The following ZBTB48 variants were observed in gnomAD, a reference collection of about 807,000 sequenced individuals.
ZBTB48 encodes zinc finger and BTB domain-containing protein 48.
A neutral mutation model predicts 64.5 loss-of-function variants in ZBTB48; 35 were observed. That is an observed-to-expected ratio of 0.54 (90% CI 0.41 to 0.72). The LOEUF (loss-of-function observed/expected upper bound fraction) is 0.72. ZBTB48 is among the 30% of genes least tolerant of loss of function. The probability of loss-of-function intolerance (pLI) is 0.00; values close to 1 mark genes in which losing one functional copy is unlikely to be tolerated. For missense variants in ZBTB48, 828 were observed against 895.3 expected (o/e 0.92, Z 0.96); for synonymous variants, 442 against 356.7 (o/e 1.24, Z -2.70).
rs1640499924 is a variant in ZBTB48, at chr1:6,582,288, A to C, written c.921A>C (p.Lys307Asn). The C allele has an allele frequency of 6.2e-7, 1 of 1,607,858 alleles. No homozygotes were observed. Among genetic ancestry groups the C allele is most frequent in the Non-Finnish European group, 8.5e-7 (1 of 1,175,046 alleles). Residue 307 changes from lysine (K) to asparagine (N), a missense_variant, in exon 3 of 11, where the codon AAA becomes AAC. Transcript: ENST00000377674. ...AGTTCCTCAGCAAATATTATCTAAA[A>C]GTCCACAACAGGTAAACGTTCTGTT... ...HKKFLSKYYL[K>N]VHNRKHTGEK...
Position 6,580,029 on chromosome 1 carries a change from A to C in ZBTB48, c.-177A>C, listed in dbSNP as rs1047157374. The C allele has an allele frequency of 4.0e-4, 81 of 202,178 alleles. No homozygotes were observed. The highest frequency in any genetic ancestry group is 1.8e-3 in the African/African-American group (77 of 42,512). 12.5% of individuals were successfully genotyped at this position (202,178 alleles called of 1,614,324 possible). Reference sequence around the variant, plus strand: ...GTCACGTCCGGCGCGGAGACGGTGGAGTCTCCGCACTGTCGGCGGGGTACG... The same window carrying C: ...GTCACGTCCGGCGCGGAGACGGTGGCGTCTCCGCACTGTCGGCGGGGTACG... On this transcript the variant is annotated 5_prime_UTR_variant, in exon 1 of 11. Coordinates refer to ENST00000377674, the MANE Select transcript of ZBTB48 (RefSeq NM_005341.4). The surrounding 1 kb of genome is among the most constrained non-coding windows in gnomAD (Gnocchi z 5.2).
In ZBTB48 at chr1:6,580,239, C is replaced by T. The variant is rs886932800; in HGVS notation, c.-70+103C>T. 2 of 220,606 alleles carry T rather than the reference C, an allele frequency of 9.1e-6. No individual in the cohort carries two copies. Among genetic ancestry groups the T allele is most frequent in the Admixed American group, 5.2e-5 (1 of 19,316 alleles). The allele number at this position is 220,606 out of a possible 1,614,324, so 13.7% of individuals were successfully genotyped here. ...TGGGCGCGGCGTGGGCTTCGCTCAC[C>T]TGTCCCCGGCTGCCGCCCTCCGCCG... On this transcript the variant is annotated intron_variant, in intron 1 of 10. Coordinates refer to ENST00000377674, the MANE Select transcript of ZBTB48 (RefSeq NM_005341.4). This position sits in a 1 kb window ranked among gnomAD's most constrained non-coding sequence, Gnocchi z 5.2.
Position 6,580,539 on chromosome 1 carries a change from AGG to A in ZBTB48, c.-69-1_-69del. 6.7e-7 allele frequency: 1 copy of A among 1,494,872 alleles called. No homozygotes were observed. The highest frequency in any genetic ancestry group is 9.1e-7 in the Non-Finnish European group (1 of 1,104,500). The allele number at this position is 1,494,872 out of a possible 1,614,324, so 92.6% of individuals were successfully genotyped here. On this transcript the variant is annotated splice_acceptor_variant and 5_prime_UTR_variant, in exon 2 of 11. Coordinates refer to ENST00000377674, the MANE Select transcript of ZBTB48 (RefSeq NM_005341.4). LOFTEE classifies it low-confidence loss of function (5UTR_SPLICE). This position sits in a 1 kb window ranked among gnomAD's most constrained non-coding sequence, Gnocchi z 5.2. ...CTTCCCGTTTCTCTCTCTTGACTCC[AGG>A]AGCTTTCTCTTGCATACCCTCGCTT...
Position 6,588,179 on chromosome 1 carries a change from A to G in ZBTB48, c.1499A>G (p.Lys500Arg), listed in dbSNP as rs1247477375. The G allele has an allele frequency of 1.2e-6, 2 of 1,614,114 alleles. No homozygotes were observed. Among genetic ancestry groups the G allele is most frequent in the African/African-American group, 1.3e-5 (1 of 75,054 alleles). Residue 500 changes from lysine (K) to arginine (R), a missense_variant, in exon 8 of 11, where the codon AAG (lysine) becomes AGG (arginine). Lys to Arg is a conservative substitution (Grantham distance 26). Transcript: ENST00000377674. ...CCCTTCCAGTGCCACCTCTGTGGCA[A>G]GACCTTCCGAACCCAAGGTGAGGTA... ...EKPFQCHLCG[K>R]TFRTQASLDK...
At position 6,587,461 on chromosome 1, in the gene ZBTB48, G is replaced by A. The variant is rs1337302694; in HGVS notation, c.1225-17G>A. 1.9e-6 allele frequency: 3 copies of A among 1,613,572 alleles called. No individual in the cohort carries two copies. The highest frequency in any genetic ancestry group is 2.5e-6 in the Non-Finnish European group (3 of 1,179,906). ...CTGGCCCTGGTCCCTCCCTCTGCCT[G>A]CCTGGTCTGCCTGCAGTGCCCCACC... On this transcript the variant is annotated splice_polypyrimidine_tract_variant and intron_variant, in intron 6 of 10. Transcript: ENST00000377674.
At chr1:6,586,179 G>A (rs561793959) in intron 4 of ZBTB48, 149 bp downstream of exon 4, 4 of 766,320 alleles carry the variant, frequency 5.2e-6, no homozygotes, top group Admixed American at 2.2e-5. Context: ...TGAGGTCCAT[G>A]CCCTGGTACA....
chr1:6,588,804 A>G lies in ZBTB48; in HGVS notation c.1730A>G (p.Lys577Arg). 6.2e-7 allele frequency: 1 copy of G among 1,614,112 alleles called. No homozygotes were observed. The highest frequency in any genetic ancestry group is 8.5e-7 in the Non-Finnish European group (1 of 1,180,022). The change falls in exon 10 of 11, where the codon AAG (lysine) becomes AGG (arginine). Residue 577 changes from lysine (K) to arginine (R), a missense_variant. Lys to Arg is a conservative substitution (Grantham distance 26). Coordinates refer to ENST00000377674, the MANE Select transcript of ZBTB48 (RefSeq NM_005341.4). ...GTCAGACGGCACAAGGGGGTGAGGAAGTTTGAGTGCACCGAGTGTGGCTAC... is the reference window on the plus strand; with the variant it reads ...GTCAGACGGCACAAGGGGGTGAGGAGGTTTGAGTGCACCGAGTGTGGCTAC... ...VHVRRHKGVR[K>R]FECTECGYKF...
chr1:6,587,571 G>A lies in ZBTB48; in HGVS notation c.1318G>A (p.Glu440Lys). 1.2e-6 allele frequency: 2 copies of A among 1,613,982 alleles called. No homozygotes were observed. The highest frequency in any genetic ancestry group is 2.2e-5 in the East Asian group (1 of 44,882). The change falls in exon 7 of 11, where the codon GAG becomes AAG. Residue 440 changes from glutamate to lysine, a missense_variant. Transcript: ENST00000377674. ...HRGEKLFVCE[E>K]CGHRASSRNG... is the part of the protein sequence containing the mutation. ...TGGTGAGAAGCTGTTTGTGTGTGAG[G>A]AGTGTGGGCACCGGGCCTCGAGCCG... is the stretch of plus-strand genomic sequence containing the variant.
Position 6,580,596 on chromosome 1 carries a change from C to T in ZBTB48, c.-14C>T. On this transcript the variant is annotated 5_prime_UTR_variant, in exon 2 of 11. Transcript: ENST00000377674. This position sits in a 1 kb window ranked among gnomAD's most constrained non-coding sequence, Gnocchi z 5.2. ...TGGCCGGGGTGTCACTTCTGCCTCC[C>T]TGCCCTCCAGACCATGGACGGCTCC... 2.5e-6 allele frequency: 4 copies of T among 1,600,114 alleles called. No individual in the cohort carries two copies. The highest frequency in any genetic ancestry group is 2.2e-5 in the East Asian group (1 of 44,564).
rs1198502364 is a variant in ZBTB48, at chr1:6,588,259, T to C, written c.1517-19T>C. ...CTGAGGCCAAGGCCACAGGCTGAGC[T>C]CTTGCCTTGTGCCTGCAGCCAGCCT... On this transcript the variant is annotated intron_variant, in intron 8 of 10. Coordinates refer to ENST00000377674, the MANE Select transcript of ZBTB48 (RefSeq NM_005341.4). The C allele has an allele frequency of 2.5e-6, 4 of 1,609,164 alleles. No individual in the cohort carries two copies. Among genetic ancestry groups the C allele is most frequent in the Non-Finnish European group, 3.4e-6 (4 of 1,176,496 alleles).
chr1:6,582,349 TGGG>T, intron 3 of ZBTB48, 50 bp downstream of exon 3: 1 of 1,586,774 alleles, frequency 6.3e-7, no homozygotes, highest in East Asian at 2.2e-5. Context: ...ATTCCCACGT[TGGG>T]GGAGGGGTCC....
chr1:6,586,473 C>T (rs993982740), intron 4 of ZBTB48: 18 of 936,850 alleles, frequency 1.9e-5, no homozygotes, highest in Non-Finnish European at 2.5e-5. Context: ...TCGGACCCTG[C>T]CCCCAGTCTG....
In ZBTB48 at chr1:6,581,066, G is replaced by T. The variant is rs746830231; in HGVS notation, c.457G>T (p.Val153Phe). The T allele has an allele frequency of 1.3e-5, 21 of 1,613,252 alleles. No individual in the cohort carries two copies. Among genetic ancestry groups the T allele is most frequent in the Non-Finnish European group, 1.8e-5 (21 of 1,179,994 alleles). Reference sequence around the variant, plus strand: ...GCCGGCAGGCTTGGAAGAAGAGGAAGTTTCGAGGACTCTGGGTCTAGTCCC... The same window carrying T: ...GCCGGCAGGCTTGGAAGAAGAGGAATTTTCGAGGACTCTGGGTCTAGTCCC... ...KEPAGLEEEEVSRTLGLVPRD... is the reference protein window; with the variant it reads ...KEPAGLEEEEFSRTLGLVPRD... Residue 153 changes from valine (V) to phenylalanine (F), a missense_variant, in exon 2 of 11, where the codon GTT (valine) becomes TTT (phenylalanine). Physicochemically the swap from Val to Phe is conservative, Grantham distance 50 (BLOSUM62 -1). Transcript: ENST00000377674.
At chr1:6,587,411 C>T in intron 6 of ZBTB48, 67 bp from the exon 7 acceptor site, 3 of 1,608,298 alleles carry the variant, frequency 1.9e-6, no homozygotes, top group Non-Finnish European at 2.5e-6. Context: ...GTGGGTCTCC[C>T]AGGCAGCCCT....
Position 6,580,514 on chromosome 1 carries a change from C to T in ZBTB48, c.-69-27C>T. The stretch of plus-strand genomic sequence containing the variant: ...ATATGATTATTTGAGTAGAGGCCAA[C>T]TTCCCGTTTCTCTCTCTTGACTCCA... On this transcript the variant is annotated intron_variant, in intron 1 of 10. Coordinates refer to ENST00000377674, the MANE Select transcript of ZBTB48 (RefSeq NM_005341.4). This position sits in a 1 kb window ranked among gnomAD's most constrained non-coding sequence, Gnocchi z 5.2. 1.5e-6 allele frequency: 2 copies of T among 1,335,794 alleles called. No homozygotes were observed. Among genetic ancestry groups the T allele is most frequent in the South Asian group, 2.8e-5 (2 of 70,910 alleles). 82.7% of individuals were successfully genotyped at this position (1,335,794 alleles called of 1,614,324 possible).
At position 6,588,745 on chromosome 1, in the gene ZBTB48, C is replaced by G; in HGVS notation, c.1682-11C>G. On this transcript the variant is annotated splice_polypyrimidine_tract_variant and intron_variant, in intron 9 of 10. Transcript: ENST00000377674. Reference sequence around the variant, plus strand: ...CCTGCATGATCCCCCACGGTGTTCTCCCTCTTGCAGCCGTGGAGCAACTGC... The same window carrying G: ...CCTGCATGATCCCCCACGGTGTTCTGCCTCTTGCAGCCGTGGAGCAACTGC... The G allele has an allele frequency of 6.2e-7, 1 of 1,613,980 alleles. No homozygotes were observed. Among genetic ancestry groups the G allele is most frequent in the Non-Finnish European group, 8.5e-7 (1 of 1,180,034 alleles).
Position 6,581,095 on chromosome 1 carries a change from G to A in ZBTB48, c.486G>A (p.Arg162=). The A allele has an allele frequency of 1.9e-6, 3 of 1,612,954 alleles. No individual in the cohort carries two copies. Among genetic ancestry groups the A allele is most frequent in the Non-Finnish European group, 2.5e-6 (3 of 1,179,840 alleles). ...EVSRTLGLVP[R]DQEPRGSHSP... The stretch of plus-strand genomic sequence containing the variant: ...CGAGGACTCTGGGTCTAGTCCCCAG[G>A]GATCAGGAGCCCAGAGGCAGTCATA... The change falls in exon 2 of 11, where the codon AGG becomes AGA. Residue 162 remains arginine, a synonymous_variant. Transcript: ENST00000377674.
chr1:6,588,488 G>C (rs758283896), intron 9 of ZBTB48, 46 bp downstream of exon 9: 1 of 1,468,576 alleles, frequency 6.8e-7, no homozygotes, highest in Non-Finnish European at 9.0e-7. Flanking sequence ...CATCCGAGTT[G>C]GAGGGTCTCT....
At chr1:6,585,803 A>T in intron 3 of ZBTB48, 116 bp from the exon 4 acceptor site, 1 of 955,396 alleles carries the variant, frequency 1.0e-6, no homozygotes, top group Non-Finnish European at 1.6e-6. Context: ...CACCTTAACC[A>T]GCCGGTGTCA....
Sources: allele counts gnomAD v4.1 joint callset, GRCh38; gene constraint gnomAD v4.1.1; non-coding constraint Gnocchi (gnomAD v3.1); transcripts MANE v1.5; gene names NCBI Gene and HGNC (gene_info 2026-07-23, HGNC 2026-07-21).